The following GLIS3 variants were observed in gnomAD, a reference collection of about 807,000 sequenced individuals.
GLIS3 encodes GLIS family zinc finger 3.
Under a neutral mutation model 78.6 loss-of-function variants are expected in GLIS3, and 53 were observed. That is an observed-to-expected ratio of 0.67 (90% CI 0.54 to 0.85). The LOEUF (loss-of-function observed/expected upper bound fraction) is 0.85. GLIS3 is among the 40% of genes least tolerant of loss of function. GLIS3 has a pLI of 0.00. For synonymous variants in GLIS3, 684 were observed against 509.9 expected (o/e 1.34, Z -4.60); for missense variants, 1,703 against 1,231.1 (o/e 1.38, Z -5.74).
the GLIS3 span, among the ~76,000 whole-genome samples, chr9:4,416,469 T>C: frequency 6.6e-6 from 1 of 152,216 alleles, no homozygotes; most frequent in South Asian, 2.1e-4. Context: ...TATCTTGTTC[T>C]AAAAGGTTTA....
At chr9:4,260,632 G>C (rs1366103425) in intron 2 of GLIS3, among the ~76,000 whole-genome samples, 1 of 151,540 alleles carries the variant, frequency 6.6e-6, no homozygotes. Flanking sequence ...TGTAGTCCCA[G>C]CTACTCAGGA....
intron 2 of GLIS3, among the ~76,000 whole-genome samples, chr9:4,260,677 C>G (rs769766332): frequency 6.6e-6 from 1 of 151,788 alleles, no homozygotes; most frequent in Admixed American, 6.6e-5. Context: ...ACCCGGGAGG[C>G]GGAGGTTGCA....
chr9:4,234,030 G>T (rs552442535), intron 2 of GLIS3, among the ~76,000 whole-genome samples: 1 of 152,144 alleles, frequency 6.6e-6, no homozygotes, highest in Non-Finnish European at 1.5e-5. Context: ...TAACACTGAA[G>T]AGAGTTAGGG....
intron 2 of GLIS3, among the ~76,000 whole-genome samples, chr9:4,255,020 G>T (rs1395876139): frequency 1.3e-5 from 2 of 152,064 alleles, no homozygotes; most frequent in East Asian, 3.8e-4. Context: ...ACTCAACAAT[G>T]AGAAAACAAC....
At chr9:4,216,612 G>A (rs937599147) in intron 2 of GLIS3, among the ~76,000 whole-genome samples, 2 of 152,070 alleles carry the variant, frequency 1.3e-5, no homozygotes, top group Non-Finnish European at 2.9e-5. Flanking sequence ...CCAATGTTCG[G>A]CTGCCATTTA....
At chr9:4,228,385 G>C (rs182869861) in intron 2 of GLIS3, among the ~76,000 whole-genome samples, 72 of 152,242 alleles carry the variant, frequency 4.7e-4, no homozygotes, top group Non-Finnish European at 9.0e-4. Flanking sequence ...GAAGCTCTGA[G>C]AGTACATAAC....
At chr9:4,057,346 C>T (rs767617975) in intron 4 of GLIS3, among the ~76,000 whole-genome samples, 1 of 152,138 alleles carries the variant, frequency 6.6e-6, no homozygotes, top group Non-Finnish European at 1.5e-5. Flanking sequence ...GAAACTCGTT[C>T]TCCTTTATTT....
chr9:3,951,628 C>T (rs567923608), intron 4 of GLIS3, among the ~76,000 whole-genome samples: 3 of 152,048 alleles, frequency 2.0e-5, no homozygotes, highest in South Asian at 4.2e-4. Context: ...AGGGACCGAC[C>T]GGTCCTCCTT....
chr9:3,896,669 T>TCAAAAAAAAAAAAAAAAA (rs1822858216), intron 7 of GLIS3, among the ~76,000 whole-genome samples: 1 of 556 alleles, frequency 1.8e-3, no homozygotes, highest in African/African-American at 4.9e-3. Context: ...CCCATCTCAA[T>TCAAAAAAAAAAAAAAAAA]TAAAAAAAAA....
At chr9:3,905,024 G>A (rs887966554) in intron 6 of GLIS3, among the ~76,000 whole-genome samples, 2 of 150,454 alleles carry the variant, frequency 1.3e-5, no homozygotes, top group African/African-American at 4.9e-5. Flanking sequence ...CCAGGCCGGA[G>A]TGCAGTGGCG....
At position 3,856,126 on chromosome 9, in the gene GLIS3, A is replaced by T. The variant is rs535058720; in HGVS notation, c.2356T>A (p.Ser786Thr). Residue 786 changes from serine to threonine, a missense_variant, in exon 9 of 11, where the codon TCT becomes ACT. Physicochemically the swap from Ser to Thr is moderately conservative, Grantham distance 58 (BLOSUM62 1). Coordinates refer to ENST00000381971, the MANE Select transcript of GLIS3 (RefSeq NM_001042413.2). ...HISPRRVPAP[S>T]SILQRTQPPY... ...GGCTGTGTTCTTTGCAGTATTGAAG[A>T]AGGAGCTGGAACTCTCCGGGGGCTG... The T allele has an allele frequency of 2.5e-6, 4 of 1,614,154 alleles. No individual in the cohort carries two copies. The highest frequency in any genetic ancestry group is 2.5e-6 in the Non-Finnish European group (3 of 1,180,006).
chr9:4,125,632 G>A (rs79503016), intron 3 of GLIS3, 102 bp downstream of exon 3: 74 of 792,918 alleles, frequency 9.3e-5, no homozygotes, highest in African/African-American at 2.6e-4. Flanking sequence ...GTAAGTGTAT[G>A]AGTGTGTGTG....
chr9:4,483,198 C>T, the GLIS3 span, among the ~76,000 whole-genome samples: 1 of 120,806 alleles, frequency 8.3e-6, no homozygotes, highest in Non-Finnish European at 1.6e-5. Flanking sequence ...CTATATCTTG[C>T]TTTAGGCAGA....
chr9:4,261,409 A>G (rs1183539901), intron 2 of GLIS3, among the ~76,000 whole-genome samples: 1 of 152,198 alleles, frequency 6.6e-6, no homozygotes, highest in Non-Finnish European at 1.5e-5. Flanking sequence ...TTAAGATAAA[A>G]AGAGAACAGA....
At chr9:4,344,486 C>A (rs1201422277) in intron 2 of GLIS3, among the ~76,000 whole-genome samples, 2 of 152,232 alleles carry the variant, frequency 1.3e-5, no homozygotes, top group Non-Finnish European at 1.5e-5. Flanking sequence ...CTCCTCCTCT[C>A]ACCTCTAAGT....
At chr9:4,064,103 A>T (rs1826886234) in intron 4 of GLIS3, among the ~76,000 whole-genome samples, 1 of 152,228 alleles carries the variant, frequency 6.6e-6, no homozygotes, top group South Asian at 2.1e-4. Flanking sequence ...GGCAACATTA[A>T]AATATAGTTT....
chr9:4,137,058 C>G (rs1833457468), intron 2 of GLIS3, among the ~76,000 whole-genome samples: 1 of 152,128 alleles, frequency 6.6e-6, no homozygotes. Context: ...GCTGGAGGAG[C>G]ACATGAACCA....
chr9:3,870,053 C>A (rs566570041), intron 8 of GLIS3, among the ~76,000 whole-genome samples: 4 of 152,130 alleles, frequency 2.6e-5, no homozygotes, highest in Non-Finnish European at 5.9e-5. Context: ...GAAACTAAGT[C>A]ATAAGTCAGA....
At chr9:4,269,187 T>G (rs1826282846) in intron 2 of GLIS3, among the ~76,000 whole-genome samples, 1 of 152,192 alleles carries the variant, frequency 6.6e-6, no homozygotes, top group African/African-American at 2.4e-5. Context: ...CTAAGGGATC[T>G]CCTCTCAATG....
Sources: allele counts gnomAD v4.1 joint callset (sites outside exome capture counted in the v4.1 genomes callset), GRCh38; gene constraint gnomAD v4.1.1; transcripts MANE v1.5; gene names NCBI Gene and HGNC (gene_info 2026-07-23, HGNC 2026-07-21).